FGF14: variants seen among roughly 807,000 people sequenced by gnomAD.
FGF14 encodes the protein fibroblast growth factor homologous factor 4.
A neutral mutation model predicts 25.5 loss-of-function variants in FGF14; 5 were observed. The observed-to-expected ratio is 0.20, with a 90% CI of 0.10 to 0.41. FGF14 has a LOEUF of 0.41. Ranked by LOEUF, FGF14 falls within the 10% of genes least tolerant of loss-of-function variation. FGF14 has a pLI of 1.00. For missense variants in FGF14, 222 were observed against 320.1 expected (o/e 0.69, Z 2.34); for synonymous variants, 138 against 118.3 (o/e 1.17, Z -1.08).
intron 1 of FGF14, among the ~76,000 whole-genome samples, chr13:102,211,069 ATCTT>A (rs1292125349): frequency 1.3e-5 from 2 of 152,010 alleles, no homozygotes; most frequent in Non-Finnish European, 2.9e-5. Flanking sequence ...CTCATTTTTT[ATCTT>A]TCTATCTCTC....
At chr13:101,978,610 T>C (rs1185490889) in intron 1 of FGF14, among the ~76,000 whole-genome samples, 1 of 152,222 alleles carries the variant, frequency 6.6e-6, no homozygotes, top group African/African-American at 2.4e-5. Context: ...AGGATAAGTA[T>C]AAAACCAGAC....
At chr13:102,139,766 AAGCTTTCAGC>A (rs67242982) in intron 1 of FGF14, among the ~76,000 whole-genome samples, 37,317 of 151,702 alleles carry the variant, frequency 0.25, 5,734 homozygotes, top group East Asian at 0.85. Flanking sequence ...CTATCCCAAG[AAGCTTTCAGC>A]AGCTTTCAGC....
chr13:102,318,967 G>A (rs1334465643), intron 1 of FGF14, among the ~76,000 whole-genome samples: 2 of 152,134 alleles, frequency 1.3e-5, no homozygotes, highest in African/African-American at 4.8e-5. Flanking sequence ...TTAACTTGGG[G>A]TGTCGTGATT....
In FGF14 at chr13:101,953,570, G is replaced by GTATA. The variant is rs1555326942; in HGVS notation, c.209-78278_209-78275dup. Reference sequence around the variant, plus strand: ...TGTGTATATATATATGTGTGTGTGTGTATATATATATATATATAATTTTTA... The same window carrying GTATA: ...TGTGTATATATATATGTGTGTGTGTGTATATATATATATATATATATAATTTTTA... On this transcript the variant is annotated intron_variant, in intron 1 of 4. Coordinates refer to the FGF14 transcript ENST00000376131. Among the ~76,000 whole-genome samples the GTATA allele has an allele frequency of 2.9e-3, 407 of 138,130 alleles. 1 individual carries two copies. Among genetic ancestry groups the GTATA allele is most frequent in the African/African-American group, 9.5e-3 (373 of 39,380 alleles). 90.6% of individuals were successfully genotyped at this position (138,130 alleles called of 152,430 possible).
chr13:101,875,467 A>C (rs1050422953), intron 1 of FGF14, among the ~76,000 whole-genome samples, 171 bp from the exon 2 acceptor site: 1 of 152,136 alleles, frequency 6.6e-6, no homozygotes, highest in Non-Finnish European at 1.5e-5. Context: ...TTCTATTTAT[A>C]GAAGGTAAAG....
intron 1 of FGF14, among the ~76,000 whole-genome samples, chr13:102,260,672 A>G (rs1292066111): frequency 6.6e-6 from 1 of 152,274 alleles, no homozygotes; most frequent in Non-Finnish European, 1.5e-5. Flanking sequence ...CAGGATCAAG[A>G]GAAAACTAAC....
chr13:102,125,642 G>A (rs1471625249), intron 1 of FGF14, among the ~76,000 whole-genome samples: 1 of 152,138 alleles, frequency 6.6e-6, no homozygotes, highest in East Asian at 1.9e-4. Flanking sequence ...GGGCAGAAAA[G>A]CCATTTTACA....
At chr13:102,369,469 C>T (rs1275539412) in intron 1 of FGF14, among the ~76,000 whole-genome samples, 2 of 152,290 alleles carry the variant, frequency 1.3e-5, no homozygotes, top group East Asian at 3.9e-4. Context: ...CTGTGTGCTC[C>T]TTATGCTGTG....
At chr13:102,278,627 AAT>A (rs10578533) in intron 1 of FGF14, among the ~76,000 whole-genome samples, 39,817 of 147,172 alleles carry the variant, frequency 0.27, 5,809 homozygotes, top group African/African-American at 0.4. Flanking sequence ...CATTTTATGT[AAT>A]ATATATATAT....
chr13:102,331,624 T>C (rs1357852614), intron 1 of FGF14, among the ~76,000 whole-genome samples: 2 of 152,316 alleles, frequency 1.3e-5, no homozygotes, highest in Non-Finnish European at 1.5e-5. Flanking sequence ...TATAGCATTA[T>C]TTCTCATGCC....
intron 1 of FGF14, among the ~76,000 whole-genome samples, chr13:102,306,015 A>G (rs1414851460): frequency 6.6e-6 from 1 of 152,188 alleles, no homozygotes; most frequent in Admixed American, 6.5e-5. Flanking sequence ...TAAAGCATTT[A>G]GCATTCATCC....
chr13:101,901,426 G>C (rs1380761596), intron 1 of FGF14, among the ~76,000 whole-genome samples: 2 of 152,120 alleles, frequency 1.3e-5, no homozygotes, highest in Non-Finnish European at 2.9e-5. Flanking sequence ...AATTCAGATG[G>C]GATGCGGTGG....
intron 1 of FGF14, among the ~76,000 whole-genome samples, chr13:102,360,018 GT>G (rs5806300): frequency 0.3 from 44,806 of 151,866 alleles, 7,028 homozygotes; most frequent in African/African-American, 0.39. Flanking sequence ...ACACGATGAT[GT>G]CTTTAAAACA....
intron 1 of FGF14, among the ~76,000 whole-genome samples, chr13:101,982,347 G>A (rs2038318431): frequency 6.6e-6 from 1 of 152,098 alleles, no homozygotes; most frequent in Admixed American, 6.6e-5. Flanking sequence ...AAATGTTAAG[G>A]TTTGTTGTTT....
Position 102,243,340 on chromosome 13 carries a change from C to G in FGF14, c.208+158131G>C, listed in dbSNP as rs542978070. Among the ~76,000 whole-genome samples, 17 of 152,202 alleles carry G rather than the reference C, an allele frequency of 1.1e-4. No individual in the cohort carries two copies. The South Asian group carries it at 3.3e-3, about 30-fold the overall frequency. ...ACCAAATTCTGCCTTTTAATGCCAC[C>G]TTTCCCAGAAGGAACTCCATTTGAA... On this transcript the variant is annotated intron_variant, in intron 1 of 4. Transcript: ENST00000376131.
At chr13:102,179,156 T>C (rs1444982248) in intron 1 of FGF14, among the ~76,000 whole-genome samples, 4 of 152,138 alleles carry the variant, frequency 2.6e-5, no homozygotes, top group Admixed American at 2.0e-4. Flanking sequence ...GTCTCCACTT[T>C]TTCTTGGGCT....
rs900048165 is a variant in FGF14, at chr13:102,010,362, C to T, written c.209-135066G>A. On this transcript the variant is annotated intron_variant, in intron 1 of 4. Transcript: ENST00000376131. ...AGAGAGGAAGAAGCCTCGAGCACAACATTAGCCTGGTTTGGTCCACATTTT... is the reference window on the plus strand; with the variant it reads ...AGAGAGGAAGAAGCCTCGAGCACAATATTAGCCTGGTTTGGTCCACATTTT... Among the ~76,000 whole-genome samples, 13 of 152,210 alleles carry T rather than the reference C, an allele frequency of 8.5e-5. No homozygotes were observed. In the East Asian group the frequency reaches 2.5e-3, roughly 29 times the overall value.
chr13:102,185,871 T>C (rs2048853609), intron 1 of FGF14, among the ~76,000 whole-genome samples: 1 of 152,188 alleles, frequency 6.6e-6, no homozygotes, highest in Non-Finnish European at 1.5e-5. Context: ...TGGAAGTGAC[T>C]GCGACGTTGT....
At chr13:102,207,624 T>TAAAAAA (rs35568335) in intron 1 of FGF14, among the ~76,000 whole-genome samples, 20 of 92,462 alleles carry the variant, frequency 2.2e-4, no homozygotes, top group African/African-American at 5.7e-4. Context: ...CAGTTTTCAT[T>TAAAAAA]AAAAAAAAAA....
Sources: allele counts gnomAD v4.1 joint callset (sites outside exome capture counted in the v4.1 genomes callset), GRCh38; gene constraint gnomAD v4.1.1; transcripts MANE v1.5; gene names NCBI Gene and HGNC (gene_info 2026-07-23, HGNC 2026-07-21).